PDE8B: variants seen among roughly 807,000 people sequenced by gnomAD.
The protein encoded by PDE8B is high affinity cAMP-specific and IBMX-insensitive 3',5'-cyclic phosphodiesterase 8B.
Under a neutral mutation model 101.3 loss-of-function variants are expected in PDE8B, and 26 were observed. The observed-to-expected ratio is 0.26, with a 90% confidence interval of 0.19 to 0.36. The LOEUF (loss-of-function observed/expected upper bound fraction) is 0.36, where lower values mean the gene tolerates loss of function less well. Ranked by LOEUF, PDE8B falls within the 10% of genes least tolerant of loss-of-function variation. PDE8B has a pLI of 1.00. For synonymous variants in PDE8B, 424 were observed against 429.3 expected (o/e 0.99, Z 0.15); for missense variants, 810 against 1,163.1 (o/e 0.70, Z 4.42).
At chr5:77,240,573 CCAGT>C (rs1281868894) in intron 1 of PDE8B, among the ~76,000 whole-genome samples, 3 of 152,218 alleles carry the variant, frequency 2.0e-5, no homozygotes, top group Non-Finnish European at 4.4e-5. Context: ...TGCCTTGTCA[CCAGT>C]CAGATAATCC....
chr5:77,225,084 A>G (rs531737066), intron 1 of PDE8B, among the ~76,000 whole-genome samples: 5 of 152,304 alleles, frequency 3.3e-5, no homozygotes, highest in African/African-American at 1.2e-4. Context: ...GCCTAGATCA[A>G]TTAATTCCTT....
chr5:77,118,669 C>T, the PDE8B span: 245,174 of 326,590 alleles, frequency 0.75, 92,954 homozygotes, highest in African/African-American at 0.89. Flanking sequence ...GTTTCTTTTT[C>T]ATGGGAAAGG....
At chr5:77,183,103 C>CTATTATTATTATTATTAT in the PDE8B span, among the ~76,000 whole-genome samples, 32 of 130,234 alleles carry the variant, frequency 2.5e-4, no homozygotes, top group South Asian at 1.2e-3. Flanking sequence ...TGAAGATGTG[C>CTATTATTATTATTATTAT]TATTATTATT....
the PDE8B span, among the ~76,000 whole-genome samples, chr5:77,174,357 C>T: frequency 6.6e-6 from 1 of 152,180 alleles, no homozygotes; most frequent in Admixed American, 6.5e-5. Flanking sequence ...TATATGATCC[C>T]TTACCAAGTC....
intron 1 of PDE8B, among the ~76,000 whole-genome samples, chr5:77,305,985 G>C (rs1771118701): frequency 1.3e-5 from 2 of 152,170 alleles, no homozygotes; most frequent in African/African-American, 4.8e-5. Context: ...AGTCATTGAA[G>C]TGGGGAAGAT....
the PDE8B span, among the ~76,000 whole-genome samples, chr5:77,165,828 A>T: frequency 2.6e-5 from 4 of 151,992 alleles, no homozygotes; most frequent in Admixed American, 6.5e-5. Flanking sequence ...CAACATGGCA[A>T]AATCCCATCT....
the PDE8B span, among the ~76,000 whole-genome samples, chr5:77,129,786 A>G: frequency 1.3e-5 from 2 of 152,196 alleles, no homozygotes; most frequent in Non-Finnish European, 2.9e-5. Flanking sequence ...AGTGTTTCGC[A>G]GTAAAAGAAT....
At chr5:77,229,846 C>T (rs112170057) in intron 1 of PDE8B, among the ~76,000 whole-genome samples, 6 of 152,132 alleles carry the variant, frequency 3.9e-5, no homozygotes, top group Non-Finnish European at 5.9e-5. Flanking sequence ...CATCTATTGA[C>T]GGACATTGGG....
intron 10 of PDE8B, among the ~76,000 whole-genome samples, chr5:77,378,048 A>ACACACACAC (rs1347483439): frequency 2.1e-5 from 2 of 93,952 alleles, no homozygotes; most frequent in South Asian, 3.4e-4. Flanking sequence ...ACACACACAC[A>ACACACACAC]CCCCCTGTTG....
rs114278156 is a variant in PDE8B at position 77,421,862 on chromosome 5, C to T, written c.2292C>T (p.Asn764=). ...GTGAATGCAACCCTGCTGGGAAGAA[C>T]TTCCCTGAAAACCAAATCCTGATCA... The part of the protein sequence containing the change: ...SDCECNPAGK[N]FPENQILIKR... Residue 764 remains asparagine (N), a synonymous_variant, in exon 20 of 22, where the codon AAC becomes AAT. Coordinates refer to ENST00000264917, the MANE Select transcript of PDE8B (RefSeq NM_003719.5). 1.2e-6 allele frequency: 2 copies of T among 1,614,012 alleles called. No homozygotes were observed. Among genetic ancestry groups the T allele is most frequent in the East Asian group, 4.5e-5 (2 of 44,892 alleles).
chr5:77,148,408 T>A, the PDE8B span: 1 of 152,214 alleles, frequency 6.6e-6, no homozygotes, highest in African/African-American at 2.4e-5. Flanking sequence ...GTGGAATCAC[T>A]AGATTGTATG....
At chr5:77,303,085 G>T (rs1311286133) in intron 1 of PDE8B, among the ~76,000 whole-genome samples, 1 of 152,142 alleles carries the variant, frequency 6.6e-6, no homozygotes, top group East Asian at 1.9e-4. Context: ...GAATATTTAT[G>T]TAGTGGCTAA....
At chr5:77,417,304 C>T (rs1049894613) in intron 17 of PDE8B, among the ~76,000 whole-genome samples, 3 of 152,122 alleles carry the variant, frequency 2.0e-5, no homozygotes, top group African/African-American at 7.2e-5. Context: ...GGTTATACTC[C>T]CAAAGCATCT....
intron 1 of PDE8B, among the ~76,000 whole-genome samples, chr5:77,283,509 G>A (rs1270995368): frequency 6.6e-6 from 1 of 152,096 alleles, no homozygotes; most frequent in Non-Finnish European, 1.5e-5. Flanking sequence ...ACTAATTCCT[G>A]ACAACCACTG....
chr5:77,260,125 C>G (rs926153626), intron 1 of PDE8B, among the ~76,000 whole-genome samples: 1 of 146,274 alleles, frequency 6.8e-6, no homozygotes, highest in African/African-American at 2.5e-5. Flanking sequence ...CCATTGTGCT[C>G]CAGCCTGGGC....
chr5:77,411,670 T>A lies in PDE8B; in HGVS notation c.1531-6T>A, dbSNP rs747986561. 10 of 1,608,294 alleles carry A rather than the reference T, an allele frequency of 6.2e-6. No individual in the cohort carries two copies. Among genetic ancestry groups the A allele is most frequent in the Non-Finnish European group, 8.5e-6 (10 of 1,174,704 alleles). ...ATGCTTCTAACAGGCTCTTCCTTTA[T>A]TCCAGGACGGCTTGAGAAGACTGTC... On this transcript the variant is annotated splice_region_variant and splice_polypyrimidine_tract_variant and intron_variant, in intron 14 of 21. Transcript: ENST00000264917.
the PDE8B span, among the ~76,000 whole-genome samples, chr5:77,176,605 G>A: frequency 2.6e-5 from 4 of 152,124 alleles, no homozygotes; most frequent in African/African-American, 4.8e-5. Flanking sequence ...GAGAGGACAC[G>A]GGCCCACACT....
chr5:77,120,976 T>C, the PDE8B span, among the ~76,000 whole-genome samples: 3 of 152,212 alleles, frequency 2.0e-5, no homozygotes, highest in Non-Finnish European at 4.4e-5. Context: ...GTGTAGCTGG[T>C]CAAAGCCTAT....
In PDE8B at chr5:77,291,582, A is replaced by C; in HGVS notation, c.340-20412A>C. The C allele has an allele frequency of 3.1e-6, 5 of 1,598,182 alleles. No homozygotes were observed. The Admixed American group carries it at 6.7e-5, about 21-fold the overall frequency. On this transcript the variant is annotated intron_variant, in intron 1 of 21. Transcript: ENST00000264917. ...CAACTTTACCAAAGATCTGGGCAGAATCTTTCGCTGGCTTGGACCTAAAGG... is the reference window on the plus strand; with the variant it reads ...CAACTTTACCAAAGATCTGGGCAGACTCTTTCGCTGGCTTGGACCTAAAGG...
Sources: allele counts gnomAD v4.1 joint callset (sites outside exome capture counted in the v4.1 genomes callset), GRCh38; gene constraint gnomAD v4.1.1; transcripts MANE v1.5; gene names NCBI Gene and HGNC (gene_info 2026-07-23, HGNC 2026-07-21).